The following PTPN20 variants were observed in gnomAD, a reference collection of about 807,000 sequenced individuals.
PTPN20 encodes the protein tyrosine-protein phosphatase non-receptor type 20.
In PTPN20, 9 loss-of-function variants were observed where a neutral mutation model predicts 35.0. That is an observed-to-expected ratio of 0.26 (90% CI 0.15 to 0.45). The LOEUF (loss-of-function observed/expected upper bound fraction) is 0.45, where lower values mean the gene tolerates loss of function less well. PTPN20 is among the 20% of genes least tolerant of loss of function. The pLI is 1.00. For missense variants in PTPN20, 111 were observed against 312.5 expected, an observed-to-expected ratio of 0.36 and a Z score of 4.86; for synonymous variants, 32 against 100.2, an observed-to-expected ratio of 0.32 and a Z score of 4.06.
chr10:46,923,516 T>G (rs2036091108), intron 1 of PTPN20, among the ~76,000 whole-genome samples: 2 of 149,570 alleles, frequency 1.3e-5, no homozygotes, highest in African/African-American at 5.1e-5. Context: ...AAAGATCGGT[T>G]GACTACATTT....
chr10:46,940,787 G>T, intron 3 of PTPN20, 70 bp downstream of exon 3: 2 of 1,325,268 alleles, frequency 1.5e-6, no homozygotes, highest in African/African-American at 3.1e-5. Context: ...TGCTCTCTGG[G>T]AAATGGGTAT....
intron 6 of PTPN20, among the ~76,000 whole-genome samples, chr10:46,966,735 TATC>T (rs1187619144): frequency 1.3e-5 from 1 of 78,554 alleles, no homozygotes; most frequent in African/African-American, 5.7e-5. Context: ...AGCTTCATAT[TATC>T]TTTTAACATC....
chr10:46,926,853 C>T lies in PTPN20; in HGVS notation c.-123-5524C>T, dbSNP rs1191530671. Among the ~76,000 whole-genome samples the T allele has an allele frequency of 4.0e-5, 6 of 151,800 alleles. No individual in the cohort carries two copies. The South Asian group carries it at 1.2e-3, about 32-fold the overall frequency. On this transcript the variant is annotated intron_variant, in intron 1 of 10. Transcript: ENST00000374339. ...TGTGAAGTGTTGTCTATCAGGGAAG[C>T]TCGTCTGAGCTTAAGAGTTTAGGGT...
chr10:47,000,055 T>C, intron 10 of PTPN20, 81 bp downstream of exon 10: 4 of 1,572,244 alleles, frequency 2.5e-6, no homozygotes, highest in Non-Finnish European at 3.5e-6. Context: ...ACTTAAAAGC[T>C]CTTTTATTGA....
chr10:46,996,842 A>G (rs2059187132), intron 9 of PTPN20, among the ~76,000 whole-genome samples: 2 of 152,172 alleles, frequency 1.3e-5, no homozygotes, highest in African/African-American at 4.8e-5. Flanking sequence ...TAGTGTGTCT[A>G]TCCTTCTGCC....
intron 9 of PTPN20, among the ~76,000 whole-genome samples, chr10:46,996,248 A>G (rs2059089485): frequency 6.6e-6 from 1 of 152,332 alleles, no homozygotes; most frequent in Non-Finnish European, 1.5e-5. Context: ...CATAACTCCA[A>G]GTGAAAATTA....
chr10:46,941,159 CA>C (rs1352076545), intron 3 of PTPN20, among the ~76,000 whole-genome samples: 2 of 150,772 alleles, frequency 1.3e-5, no homozygotes, highest in East Asian at 1.9e-4. Flanking sequence ...GGTTAGAGCA[CA>C]AAAAAAGGGA....
At chr10:46,995,538 C>A (rs2137737992) in intron 9 of PTPN20, among the ~76,000 whole-genome samples, 1 of 152,146 alleles carries the variant, frequency 6.6e-6, no homozygotes, top group East Asian at 1.9e-4. Context: ...TGCAATGTAT[C>A]TTCTGCAATG....
chr10:46,920,496 A>G (rs1279015322), intron 1 of PTPN20, among the ~76,000 whole-genome samples: 2 of 150,570 alleles, frequency 1.3e-5, no homozygotes, highest in East Asian at 1.9e-4. Context: ...GGGAAAGAGT[A>G]TATATATATG....
intron 1 of PTPN20, among the ~76,000 whole-genome samples, chr10:46,925,694 G>A (rs1406608331): frequency 6.6e-6 from 1 of 150,722 alleles, no homozygotes; most frequent in African/African-American, 2.5e-5. Context: ...TTCATGGCAG[G>A]GCTTCTAAAA....
chr10:46,931,808 C>T (rs1308477115), intron 1 of PTPN20, among the ~76,000 whole-genome samples: 1 of 145,648 alleles, frequency 6.9e-6, no homozygotes, highest in Non-Finnish European at 1.5e-5. Context: ...GAAAGGTCTC[C>T]AGATAAAAGT....
chr10:47,000,192 G>A (rs949294731), intron 10 of PTPN20, among the ~76,000 whole-genome samples: 1 of 152,138 alleles, frequency 6.6e-6, no homozygotes. Context: ...TCAGATAGAA[G>A]GGGAGGAGCC....
chr10:46,940,466 A>T, intron 2 of PTPN20, 157 bp from the exon 3 acceptor site: 1 of 702,014 alleles, frequency 1.4e-6, no homozygotes, highest in South Asian at 1.8e-5. Context: ...GGGGAGAAAG[A>T]GATGATTACC....
chr10:47,003,117 G>T (rs2060133132), downstream of PTPN20, among the ~76,000 whole-genome samples: 1 of 151,990 alleles, frequency 6.6e-6, no homozygotes, highest in Admixed American at 6.6e-5. Context: ...GTGATGGATT[G>T]CTCACTGGAA....
intron 9 of PTPN20, among the ~76,000 whole-genome samples, chr10:46,998,316 T>C (rs1056720098): frequency 2.0e-5 from 3 of 152,244 alleles, no homozygotes; most frequent in Admixed American, 2.0e-4. Flanking sequence ...AAACTATTGT[T>C]ACACCAACAA....
intron 1 of PTPN20, among the ~76,000 whole-genome samples, chr10:46,929,953 G>A (rs2039018261): frequency 6.9e-6 from 1 of 144,356 alleles, no homozygotes; most frequent in Admixed American, 6.7e-5. Flanking sequence ...ACTCAAAATT[G>A]AATTAAATGT....
At position 46,990,356 on chromosome 10, in the gene PTPN20, G is replaced by T. The variant is rs1468963628; in HGVS notation, c.1134+2801G>T. 2.8e-5 allele frequency among the ~76,000 whole-genome samples: 3 copies of T among 105,680 alleles called. 1 individual carries two copies. The highest frequency in any genetic ancestry group is 1.8e-5 in the Non-Finnish European group (1 of 54,426). 69.3% of individuals were successfully genotyped at this position (105,680 alleles called of 152,430 possible). A position where few individuals can be genotyped will look rare whatever the true frequency, so the allele number is the denominator to read the frequency against. On this transcript the variant is annotated intron_variant, in intron 9 of 10. Coordinates refer to ENST00000374339, the MANE Select transcript of PTPN20 (RefSeq NM_001042357.5). ...TCACTGCACTCCAGCCTGGGAGACAGAGCGAGACTCCATCTCAAAAAAAAA... is the reference window on the plus strand; with the variant it reads ...TCACTGCACTCCAGCCTGGGAGACATAGCGAGACTCCATCTCAAAAAAAAA...
chr10:46,953,436 T>C lies in PTPN20; in HGVS notation c.340+6761T>C, dbSNP rs549985169. 8.4e-4 allele frequency among the ~76,000 whole-genome samples: 119 copies of C among 141,862 alleles called. 5 individuals carry two copies. Among genetic ancestry groups the C allele is most frequent in the Middle Eastern group, 3.5e-3 (1 of 282 alleles). The allele number at this position is 141,862 out of a possible 152,430, so 93.1% of individuals were successfully genotyped here. The stretch of plus-strand genomic sequence containing the variant: ...CTAACTTATTGCATTCGCTAGGACT[T>C]TTGGTTCAATGTTGAATAAGAGGAA... On this transcript the variant is annotated intron_variant, in intron 5 of 10. Coordinates refer to ENST00000374339, the MANE Select transcript of PTPN20 (RefSeq NM_001042357.5).
chr10:46,920,359 T>A (rs1267470944), intron 1 of PTPN20, among the ~76,000 whole-genome samples: 1,053 of 91,614 alleles, frequency 0.011, 4 homozygotes, highest in African/African-American at 0.056. Context: ...ATATCTAGTT[T>A]ATTGGCAGAG....
Sources: gnomAD v4.1 joint callset for allele counts (sites outside exome capture counted in the v4.1 genomes callset) on GRCh38, gnomAD v4.1.1 for gene constraint, MANE v1.5 for transcripts, NCBI Gene and HGNC (gene_info 2026-07-23, HGNC 2026-07-21) for gene names.